Variants in KSR1 observed in about 807,000 individuals in gnomAD.
KSR1 encodes the protein kinase suppressor of ras.
In KSR1, 35 loss-of-function variants were observed where a neutral mutation model predicts 92.9. The ratio of observed to expected loss-of-function variants is 0.38; its 90% confidence interval spans 0.29 to 0.50. The LOEUF is 0.50. KSR1 is among the 20% of genes least tolerant of loss of function. The pLI, the probability that KSR1 is intolerant of heterozygous loss-of-function variation, is 0.94. For synonymous variants in KSR1, 467 were observed against 472.6 expected, an observed-to-expected ratio of 0.99 and a Z score of 0.15; for missense variants, 972 against 1,158.5, an observed-to-expected ratio of 0.84 and a Z score of 2.34.
intron 1 of KSR1, among the ~76,000 whole-genome samples, chr17:27,520,709 C>T (rs1015413096): frequency 1.3e-5 from 2 of 152,212 alleles, no homozygotes; most frequent in Non-Finnish European, 2.9e-5. Context: ...AGGCTGTGCC[C>T]GCCCAGGTTT....
chr17:27,603,875 G>A lies in KSR1; in HGVS notation c.1552G>A (p.Ala518Thr). 6.2e-7 allele frequency: 1 copy of A among 1,613,970 alleles called. No individual in the cohort carries two copies. Among genetic ancestry groups the A allele is most frequent in the Non-Finnish European group, 8.5e-7 (1 of 1,179,862 alleles). The part of the protein sequence containing the change: ...FAHAAPLPEA[A>T]DGTRLDDQPK... ...ACACGCAGCCCCGCTCCCTGAAGCT[G>A]CCGACGGTACCCGGTAGGCATCCCT... The change falls in exon 12 of 21, where the codon GCC becomes ACC. Residue 518 changes from alanine to threonine, a missense_variant. By Grantham distance (58) the Ala-to-Thr change is moderately conservative. Coordinates refer to ENST00000644974, the MANE Select transcript of KSR1 (RefSeq NM_001394583.1).
chr17:27,540,374 C>T (rs1432156670), intron 1 of KSR1, among the ~76,000 whole-genome samples: 1 of 152,202 alleles, frequency 6.6e-6, no homozygotes, highest in African/African-American at 2.4e-5. Context: ...GGGTAGGAGG[C>T]CCTGAGCTCC....
At chr17:27,549,401 T>C (rs1474419744) in intron 1 of KSR1, among the ~76,000 whole-genome samples, 1 of 152,232 alleles carries the variant, frequency 6.6e-6, no homozygotes, top group Admixed American at 6.5e-5. Context: ...CTGGCCTCTG[T>C]TGGGAATGCG....
chr17:27,613,547 C>T (rs938880539), intron 18 of KSR1, among the ~76,000 whole-genome samples: 2 of 152,228 alleles, frequency 1.3e-5, no homozygotes, highest in Non-Finnish European at 2.9e-5. Context: ...ACCCTATTCC[C>T]CCAGTGCATG....
chr17:27,588,668 T>TTTCACCTGAG (rs1393805816), intron 6 of KSR1, 133 bp downstream of exon 6: 1 of 783,294 alleles, frequency 1.3e-6, no homozygotes, highest in Non-Finnish European at 1.9e-6. Flanking sequence ...CTGTGGGACA[T>TTTCACCTGAG]GGCCCTGCAC....
At chr17:27,486,297 C>A (rs1421605313) in intron 1 of KSR1, among the ~76,000 whole-genome samples, 1 of 152,184 alleles carries the variant, frequency 6.6e-6, no homozygotes, top group African/African-American at 2.4e-5. Flanking sequence ...GGGTACCCAC[C>A]GTTGTCTTGG....
At position 27,574,527 on chromosome 17, in the gene KSR1, A is replaced by G. The variant is rs147746097; in HGVS notation, c.373-2965A>G. 2.8e-3 allele frequency among the ~76,000 whole-genome samples: 427 copies of G among 152,314 alleles called. 3 individuals carry two copies. Among genetic ancestry groups the G allele is most frequent in the South Asian group, 0.024 (116 of 4,826 alleles). On this transcript the variant is annotated intron_variant, in intron 2 of 20. Coordinates refer to ENST00000644974, the MANE Select transcript of KSR1 (RefSeq NM_001394583.1). ...TTGAAGAATATACTGAAAAGCTACA[A>G]AAGCATCTGCCGTCAGCGGGTACAG...
chr17:27,488,825 G>T (rs1039025154), intron 1 of KSR1, among the ~76,000 whole-genome samples: 1 of 152,218 alleles, frequency 6.6e-6, no homozygotes, highest in Admixed American at 6.5e-5. Flanking sequence ...TTAGCTGGGC[G>T]TGGTGGCGCA....
intron 1 of KSR1, among the ~76,000 whole-genome samples, chr17:27,484,171 C>CCTT (rs1227879342): frequency 1.3e-5 from 2 of 152,176 alleles, no homozygotes; most frequent in Non-Finnish European, 2.9e-5. Flanking sequence ...CAGTGGGGAG[C>CCTT]CGCCCTTCCT....
At position 27,623,318 on chromosome 17, in the gene KSR1, A is replaced by T. The variant is rs1223833019; in HGVS notation, c.2713A>T (p.Asn905Tyr). 1.3e-6 allele frequency: 1 copy of T among 764,984 alleles called. No individual in the cohort carries two copies. Among genetic ancestry groups the T allele is most frequent in the Non-Finnish European group, 2.4e-6 (1 of 417,770 alleles). 47.4% of individuals were successfully genotyped at this position (764,984 alleles called of 1,614,324 possible). A position where few individuals can be genotyped will look rare whatever the true frequency, so the allele number is the denominator to read the frequency against. The change falls in exon 21 of 21, where the codon AAC becomes TAC. Residue 905 changes from asparagine to tyrosine, a missense_variant. Physicochemically the swap from Asn to Tyr is moderately radical, Grantham distance 143 (BLOSUM62 -2). Transcript: ENST00000644974. ...SSCPILEEYI[N>Y]SSKVVPRFER... ...TGTTTTTGTTCCTCTTTGCAGCATT[A>T]ACAGCAGCAAAGTTGTACCCCGGTT...
At chr17:27,493,910 C>A (rs968102667) in intron 1 of KSR1, among the ~76,000 whole-genome samples, 9 of 152,158 alleles carry the variant, frequency 5.9e-5, no homozygotes, top group African/African-American at 2.2e-4. Context: ...TGAATTTACT[C>A]CCTTTAATTT....
At chr17:27,555,570 C>T (rs750679176) in intron 2 of KSR1, among the ~76,000 whole-genome samples, 1 of 151,910 alleles carries the variant, frequency 6.6e-6, no homozygotes, top group Non-Finnish European at 1.5e-5. Context: ...CCTTTGCTTT[C>T]TGACACTACA....
intron 9 of KSR1, among the ~76,000 whole-genome samples, chr17:27,595,782 C>T (rs951509792): frequency 6.6e-6 from 1 of 152,004 alleles, no homozygotes; most frequent in Non-Finnish European, 1.5e-5. Context: ...CCCACAGGCT[C>T]TTGCTCGGAG....
intron 1 of KSR1, among the ~76,000 whole-genome samples, chr17:27,531,077 C>T (rs1414506607): frequency 6.6e-6 from 1 of 152,202 alleles, no homozygotes; most frequent in Non-Finnish European, 1.5e-5. Context: ...TTTCCTTGTC[C>T]CTTTGGCTGG....
chr17:27,608,022 C>G lies in KSR1; in HGVS notation c.2091+12C>G. ...AGGAGATCATCAAGGTGAGGGGGTGCCCAGCTGCTGGGGGTGGGTTTCTGG... is the reference window on the plus strand; with the variant it reads ...AGGAGATCATCAAGGTGAGGGGGTGGCCAGCTGCTGGGGGTGGGTTTCTGG... On this transcript the variant is annotated intron_variant, in intron 15 of 20. Transcript: ENST00000644974. The G allele has an allele frequency of 6.3e-7, 1 of 1,586,518 alleles. No individual in the cohort carries two copies. The highest frequency in any genetic ancestry group is 8.6e-7 in the Non-Finnish European group (1 of 1,161,808).
rs192131224 is a variant in KSR1, at chr17:27,592,846, G to A, written c.1299+220G>A. ...TGATTCCCAGTCCCTTCTCCTTTGA[G>A]CTAACACTTCCTGTGTGCTTAGTGT... On this transcript the variant is annotated intron_variant, in intron 9 of 20. Transcript: ENST00000644974. 2.7e-3 allele frequency among the ~76,000 whole-genome samples: 414 copies of A among 152,284 alleles called. 1 individual carries two copies. The highest frequency in any genetic ancestry group is 5.6e-3 in the Admixed American group (86 of 15,290).
At position 27,590,781 on chromosome 17, in the gene KSR1, C is replaced by G. The variant is rs370113029; in HGVS notation, c.1047-30C>G. Reference sequence around the variant, plus strand: ...CTGGGCCTTGGCCTCCCAGCTGGTGCAAACATGTGCCTGTGTCCGCCCTCT... The same window carrying G: ...CTGGGCCTTGGCCTCCCAGCTGGTGGAAACATGTGCCTGTGTCCGCCCTCT... On this transcript the variant is annotated intron_variant, in intron 6 of 20. Transcript: ENST00000644974. The G allele has an allele frequency of 2.8e-5, 44 of 1,593,154 alleles. No homozygotes were observed. The African/African-American group carries it at 3.9e-4, about 14-fold the overall frequency.
intron 1 of KSR1, among the ~76,000 whole-genome samples, chr17:27,518,463 C>G (rs1301294021): frequency 6.6e-6 from 1 of 152,196 alleles, no homozygotes; most frequent in Non-Finnish European, 1.5e-5. Flanking sequence ...AGCTCACCCC[C>G]TGAAAAGCAT....
chr17:27,617,468 C>CT, intron 19 of KSR1, 40 bp downstream of exon 19: 1 of 1,584,638 alleles, frequency 6.3e-7, no homozygotes, highest in Non-Finnish European at 8.6e-7. Context: ...CAGCCAGGCC[C>CT]TCGCAGCCTC....
Sources: allele counts gnomAD v4.1 joint callset (sites outside exome capture counted in the v4.1 genomes callset), GRCh38; gene constraint gnomAD v4.1.1; transcripts MANE v1.5; gene names NCBI Gene and HGNC (gene_info 2026-07-23, HGNC 2026-07-21).